Variants in GABRB3 observed in about 807,000 individuals in gnomAD.
GABRB3 encodes gamma-aminobutyric acid type A receptor subunit beta3.
GABRB3 carries 14 observed loss-of-function variants against 52.1 expected under a neutral mutation model. That is an observed-to-expected ratio of 0.27 (90% CI 0.18 to 0.42). The LOEUF (loss-of-function observed/expected upper bound fraction) is 0.42. GABRB3 is among the 10% of genes least tolerant of loss of function. GABRB3 has a pLI of 1.00. For missense variants in GABRB3, 307 were observed against 609.1 expected (o/e 0.50, Z 5.22); for synonymous variants, 260 against 232.3 (o/e 1.12, Z -1.08).
At chr15:26,564,730 T>C (rs1001311724) in intron 7 of GABRB3, among the ~76,000 whole-genome samples, 1 of 152,216 alleles carries the variant, frequency 6.6e-6, no homozygotes, top group African/African-American at 2.4e-5. Flanking sequence ...CTCCAAACTA[T>C]AGCTGTATCC....
chr15:26,584,858 G>C lies in GABRB3; in HGVS notation c.462-1444C>G, dbSNP rs549114753. On this transcript the variant is annotated intron_variant, in intron 4 of 8. Coordinates refer to ENST00000311550, the MANE Select transcript of GABRB3 (RefSeq NM_000814.6). The stretch of plus-strand genomic sequence containing the variant: ...GACTGTGGTGGGTTCCTGAGTCAAA[G>C]ACAGCAAGCCATTAGTGGGTGAGAG... Among the ~76,000 whole-genome samples, 220 of 152,266 alleles carry C rather than the reference G, an allele frequency of 1.4e-3. 1 individual carries two copies. Among genetic ancestry groups the C allele is most frequent in the African/African-American group, 5.0e-3 (209 of 41,538 alleles).
At chr15:26,709,739 A>G (rs552933779) in intron 3 of GABRB3, among the ~76,000 whole-genome samples, 6 of 152,032 alleles carry the variant, frequency 3.9e-5, no homozygotes, top group South Asian at 2.1e-4. Context: ...GGATGGTCTC[A>G]ATCTCCTGAC....
At chr15:26,552,689 G>A (rs538533414) in intron 8 of GABRB3, among the ~76,000 whole-genome samples, 1 of 152,274 alleles carries the variant, frequency 6.6e-6, no homozygotes, top group Non-Finnish European at 1.5e-5. Context: ...CAAGAAGAAC[G>A]ATTCACAGCA....
chr15:26,708,298 G>A (rs191777632), intron 3 of GABRB3, among the ~76,000 whole-genome samples: 24 of 152,300 alleles, frequency 1.6e-4, no homozygotes, highest in Admixed American at 1.4e-3. Flanking sequence ...AAATGATGAA[G>A]CAGAAAGTGA....
rs139875457 is a variant in GABRB3 at position 26,770,022 on chromosome 15, T to C, written c.240+2380A>G. On this transcript the variant is annotated intron_variant, in intron 3 of 8. Transcript: ENST00000311550. ...TGGCAGCTCTAATCCTATGCTTATA[T>C]ATTTTCTGTTCTTCCCCTCTAAAAC... Among the ~76,000 whole-genome samples the C allele has an allele frequency of 5.8e-3, 890 of 152,354 alleles. 6 individuals carry two copies. Among genetic ancestry groups the C allele is most frequent in the African/African-American group, 0.02 (850 of 41,576 alleles).
chr15:26,649,440 T>C (rs1887123598), intron 3 of GABRB3, among the ~76,000 whole-genome samples: 1 of 152,222 alleles, frequency 6.6e-6, no homozygotes, highest in Middle Eastern at 3.2e-3. Context: ...TTGGACTTCC[T>C]AGTCTCCAGA....
At chr15:26,697,702 G>T (rs956517473) in intron 3 of GABRB3, among the ~76,000 whole-genome samples, 21 of 152,128 alleles carry the variant, frequency 1.4e-4, no homozygotes, top group African/African-American at 5.1e-4. Context: ...TGAAAAAAGG[G>T]ACTGCAATAT....
At chr15:26,675,373 C>A (rs369225343) in intron 3 of GABRB3, among the ~76,000 whole-genome samples, 52 of 152,274 alleles carry the variant, frequency 3.4e-4, no homozygotes, top group African/African-American at 1.2e-3. Flanking sequence ...GAGGACCTAA[C>A]CCAACCAGGA....
At chr15:26,651,138 G>A (rs747399484) in intron 3 of GABRB3, among the ~76,000 whole-genome samples, 20 of 152,210 alleles carry the variant, frequency 1.3e-4, no homozygotes, top group Non-Finnish European at 2.5e-4. Context: ...GGCCAACTGA[G>A]CTGCTAACAC....
At chr15:26,647,075 C>T (rs1305374171) in intron 3 of GABRB3, among the ~76,000 whole-genome samples, 3 of 152,176 alleles carry the variant, frequency 2.0e-5, no homozygotes, top group Non-Finnish European at 4.4e-5. Context: ...GATCTCTTGA[C>T]CTCGTGATCC....
intron 3 of GABRB3, among the ~76,000 whole-genome samples, chr15:26,723,823 G>T (rs551078316): frequency 3.0e-4 from 46 of 152,246 alleles, no homozygotes; most frequent in African/African-American, 1.1e-3. Context: ...ACGATTCCTA[G>T]GCTCCACTGT....
chr15:26,589,057 C>T (rs149745508), intron 4 of GABRB3, among the ~76,000 whole-genome samples: 3 of 152,282 alleles, frequency 2.0e-5, no homozygotes, highest in East Asian at 1.9e-4. Context: ...GTTCCCTGCA[C>T]GCCTGAGTCA....
chr15:26,664,298 G>A (rs773087985), intron 3 of GABRB3, among the ~76,000 whole-genome samples: 11 of 152,234 alleles, frequency 7.2e-5, no homozygotes, highest in Admixed American at 1.3e-4. Flanking sequence ...AGATAGTAAC[G>A]TTAATTTTTG....
chr15:26,619,559 C>A (rs1892394401), intron 4 of GABRB3, among the ~76,000 whole-genome samples: 1 of 150,436 alleles, frequency 6.6e-6, no homozygotes, highest in Non-Finnish European at 1.5e-5. Flanking sequence ...GGGATATATA[C>A]CTAATGCTAG....
In GABRB3 at chr15:26,696,982, G is replaced by A. The variant is rs12442963; in HGVS notation, c.240+75420C>T. Among the ~76,000 whole-genome samples the A allele has an allele frequency of 7.6e-3, 1,150 of 152,198 alleles. 39 individuals are homozygous for A. Among genetic ancestry groups the A allele is most frequent in the Admixed American group, 0.055 (845 of 15,288 alleles). On this transcript the variant is annotated intron_variant, in intron 3 of 8. Transcript: ENST00000311550. ...AACAAATGACAAAATCAAATTTAGG[G>A]AATTTTTTTAAAAGAAATGATACAT...
chr15:26,554,999 G>A (rs866876219), intron 8 of GABRB3, among the ~76,000 whole-genome samples: 9 of 152,208 alleles, frequency 5.9e-5, no homozygotes, highest in African/African-American at 2.2e-4. Flanking sequence ...CCAACATGAT[G>A]AAACCCTGTC....
At chr15:26,649,400 C>A (rs1370904703) in intron 3 of GABRB3, among the ~76,000 whole-genome samples, 1 of 152,188 alleles carries the variant, frequency 6.6e-6, no homozygotes, top group Non-Finnish European at 1.5e-5. Flanking sequence ...GTAGTCCTCA[C>A]CAGACACTAA....
At chr15:26,617,378 G>C (rs1892296009) in intron 4 of GABRB3, among the ~76,000 whole-genome samples, 1 of 152,060 alleles carries the variant, frequency 6.6e-6, no homozygotes, top group Admixed American at 6.5e-5. Context: ...ATCAATAAAT[G>C]TAATCCAGCA....
At chr15:26,579,637 T>C (rs1890717012) in intron 6 of GABRB3, among the ~76,000 whole-genome samples, 1 of 152,238 alleles carries the variant, frequency 6.6e-6, no homozygotes. Flanking sequence ...CTTTCATTTA[T>C]TATACCAATT....
Sources: gnomAD v4.1 joint callset for allele counts (sites outside exome capture counted in the v4.1 genomes callset) on GRCh38, gnomAD v4.1.1 for gene constraint, MANE v1.5 for transcripts, NCBI Gene and HGNC (gene_info 2026-07-23, HGNC 2026-07-21) for gene names.